The following DISP2 variants were observed in gnomAD, a reference collection of about 807,000 sequenced individuals.
The protein encoded by DISP2 is dispatched RND transporter family member 2.
In DISP2, 59 loss-of-function variants were observed where a neutral mutation model predicts 95.5. The observed-to-expected ratio is 0.62, with a 90% CI of 0.50 to 0.77. The LOEUF is 0.77. Among genes scored for constraint, DISP2 ranks in the 30% least tolerant of loss-of-function variants. The pLI, the probability that DISP2 is intolerant of heterozygous loss-of-function variation, is 0.00. For missense variants in DISP2, 1,752 were observed against 1,854.6 expected (o/e 0.94, Z 1.02); for synonymous variants, 827 against 815.0 (o/e 1.01, Z -0.25).
At chr15:40,361,523 C>T (rs1035396501) in intron 1 of DISP2, among the ~76,000 whole-genome samples, 20 of 152,180 alleles carry the variant, frequency 1.3e-4, no homozygotes, top group Admixed American at 9.2e-4. Flanking sequence ...TGCCAATGCT[C>T]CAAGAATTGT....
At position 40,367,039 on chromosome 15, in the gene DISP2, T is replaced by A. The variant is rs1427849351; in HGVS notation, c.946-19T>A. On this transcript the variant is annotated intron_variant, in intron 7 of 7. Coordinates refer to ENST00000267889, the MANE Select transcript of DISP2 (RefSeq NM_033510.3). ...CTTGGGCTGCCCCTGAACTCTCCCC[T>A]CCTGCGTGTGCCCTACAGATCCGCT... The A allele has an allele frequency of 6.2e-7, 1 of 1,603,820 alleles. No homozygotes were observed. Among genetic ancestry groups the A allele is most frequent in the East Asian group, 2.2e-5 (1 of 44,860 alleles).
Position 40,368,311 on chromosome 15 carries a change from G to C in DISP2, c.2199G>C (p.Pro733=). ...VSPRLRLPTL[P]PPGGQVFRPS... Reference sequence around the variant, plus strand: ...CCCGCCTGCGGCTGCCCACGCTGCCGCCGCCCGGCGGCCAGGTCTTCCGGC... The same window carrying C: ...CCCGCCTGCGGCTGCCCACGCTGCCCCCGCCCGGCGGCCAGGTCTTCCGGC... The change falls in exon 8 of 8, where the codon CCG becomes CCC. Residue 733 remains proline (P), a synonymous_variant. Coordinates refer to ENST00000267889, the MANE Select transcript of DISP2 (RefSeq NM_033510.3). 2 of 1,603,842 alleles carry C rather than the reference G, an allele frequency of 1.2e-6. No homozygotes were observed. Among genetic ancestry groups the C allele is most frequent in the Non-Finnish European group, 1.7e-6 (2 of 1,176,678 alleles).
In DISP2 at chr15:40,370,261, C is replaced by T. The variant is rs760228008; in HGVS notation, c.4149C>T (p.Asp1383=). The T allele has an allele frequency of 1.3e-5, 20 of 1,569,422 alleles. No homozygotes were observed. The East Asian group carries it at 4.3e-4, about 34-fold the overall frequency. The change falls in exon 8 of 8, where the codon GAC becomes GAT. Residue 1383 remains aspartate (D), a synonymous_variant. Transcript: ENST00000267889. ...SPVVLPNSQP[D]LPDVWLRRPS... is the part of the protein sequence containing the mutation. ...TGGTGCTGCCCAATAGCCAGCCAGA[C>T]CTGCCAGATGTTTGGCTGCGCAGGC...
At position 40,369,718 on chromosome 15, in the gene DISP2, G is replaced by T. The variant is rs142598891; in HGVS notation, c.3606G>T (p.Pro1202=). 4.3e-5 allele frequency: 69 copies of T among 1,610,964 alleles called. No individual in the cohort carries two copies. Among genetic ancestry groups the T allele is most frequent in the Middle Eastern group, 1.6e-4 (1 of 6,082 alleles). The change falls in exon 8 of 8, where the codon CCG becomes CCT. Residue 1202 remains proline (P), a synonymous_variant. Coordinates refer to ENST00000267889, the MANE Select transcript of DISP2 (RefSeq NM_033510.3). ...AGGATCTGCAGCTCCATGATGGTCC[G>T]TGCTGTTCCCGGCCCCCACCAGCCC... ...LSEDLQLHDG[P]CCSRPPPAPA...
rs1178899793 is a variant in DISP2 at position 40,364,500 on chromosome 15, G to A, written c.559G>A (p.Gly187Arg). 6.2e-7 allele frequency: 1 copy of A among 1,613,902 alleles called. No homozygotes were observed. Among genetic ancestry groups the A allele is most frequent in the Non-Finnish European group, 8.5e-7 (1 of 1,180,042 alleles). Residue 187 changes from glycine to arginine, a missense_variant, in exon 4 of 8, where the codon GGA (glycine) becomes AGA (arginine). Physicochemically the swap from Gly to Arg is moderately radical, Grantham distance 125. Coordinates refer to ENST00000267889, the MANE Select transcript of DISP2 (RefSeq NM_033510.3). ...TGTCATCTTCCTCTGCACCCTGGCTGGACTGTTGGGGGCCCGGCTGCCCGA... is the reference window on the plus strand; with the variant it reads ...TGTCATCTTCCTCTGCACCCTGGCTAGACTGTTGGGGGCCCGGCTGCCCGA... ...LAVIFLCTLA[G>R]LLGARLPDFS...
intron 1 of DISP2, among the ~76,000 whole-genome samples, chr15:40,358,714 CAGGA>C: frequency 6.6e-6 from 1 of 152,268 alleles, no homozygotes; most frequent in East Asian, 1.9e-4. Context: ...CCTCTCAGGC[CAGGA>C]CTCCCTGGCT....
At position 40,367,891 on chromosome 15, in the gene DISP2, G is replaced by A. The variant is rs776272825; in HGVS notation, c.1779G>A (p.Leu593=). The A allele has an allele frequency of 3.8e-6, 6 of 1,598,646 alleles. No individual in the cohort carries two copies. Among genetic ancestry groups the A allele is most frequent in the South Asian group, 1.1e-5 (1 of 90,858 alleles). ...CCATGCACCACTTCGGCTACCTGCTGCTGGTCTCCGGCCTCACCACGAGCG... is the reference window on the plus strand; with the variant it reads ...CCATGCACCACTTCGGCTACCTGCTACTGGTCTCCGGCCTCACCACGAGCG... ...GRTMHHFGYL[L]LVSGLTTSAA... is the part of the protein sequence containing the mutation. The change falls in exon 8 of 8, where the codon CTG becomes CTA. Residue 593 remains leucine (L), a synonymous_variant. Transcript: ENST00000267889.
Position 40,368,539 on chromosome 15 carries a change from G to A in DISP2, c.2427G>A (p.Gln809=). Reference sequence around the variant, plus strand: ...TCTCGGCCAGCGGCCCTGAGGCCCAGCGCTGGCTGCTGGCACTCTGTCACC... The same window carrying A: ...TCTCGGCCAGCGGCCCTGAGGCCCAACGCTGGCTGCTGGCACTCTGTCACC... The part of the protein sequence containing the change: ...PAFSASGPEA[Q]RWLLALCHRA... The change falls in exon 8 of 8, where the codon CAG becomes CAA. Residue 809 remains glutamine, a synonymous_variant. Coordinates refer to ENST00000267889, the MANE Select transcript of DISP2 (RefSeq NM_033510.3). The A allele has an allele frequency of 6.2e-7, 1 of 1,604,876 alleles. No individual in the cohort carries two copies. The highest frequency in any genetic ancestry group is 8.5e-7 in the Non-Finnish European group (1 of 1,179,896).
chr15:40,369,651 C>G lies in DISP2; in HGVS notation c.3539C>G (p.Thr1180Arg). ...RRRSPSFDTS[T>R]ATSKLSHRPS... The stretch of plus-strand genomic sequence containing the variant: ...CGGAGCCCCAGCTTTGACACCAGCA[C>G]AGCCACCAGCAAGCTGTCCCACCGG... The change falls in exon 8 of 8, where the codon ACA (threonine) becomes AGA (arginine). Residue 1180 changes from threonine to arginine, a missense_variant. Coordinates refer to ENST00000267889, the MANE Select transcript of DISP2 (RefSeq NM_033510.3). 1 of 1,611,976 alleles carries G rather than the reference C, an allele frequency of 6.2e-7. No individual in the cohort carries two copies. The highest frequency in any genetic ancestry group is 8.5e-7 in the Non-Finnish European group (1 of 1,179,984).
In DISP2 at chr15:40,365,579, G is replaced by A. The variant is rs1889484209; in HGVS notation, c.848-49G>A. 1.9e-6 allele frequency: 3 copies of A among 1,604,048 alleles called. No individual in the cohort carries two copies. In the South Asian group the frequency reaches 3.3e-5, roughly 18 times the overall value. ...AAGCATCTTCCCTTTGGAGGACCCAGGACCTGGGGCCAAAGGACTGAGCTC... is the reference window on the plus strand; with the variant it reads ...AAGCATCTTCCCTTTGGAGGACCCAAGACCTGGGGCCAAAGGACTGAGCTC... On this transcript the variant is annotated intron_variant, in intron 6 of 7. Transcript: ENST00000267889.
intron 1 of DISP2, among the ~76,000 whole-genome samples, chr15:40,362,305 C>G (rs1288123885): frequency 2.6e-5 from 4 of 152,240 alleles, no homozygotes; most frequent in Admixed American, 6.5e-5. Flanking sequence ...TGGGCCCTCT[C>G]TGAGCTCCCT....
rs1337280953 is a variant in DISP2 at position 40,371,859 on chromosome 15, T to G, written c.*1541T>G. 6.6e-6 allele frequency: 1 copy of G among 152,180 alleles called. No individual in the cohort carries two copies. Among genetic ancestry groups the G allele is most frequent in the Non-Finnish European group, 1.5e-5 (1 of 68,038 alleles). The allele number at this position is 152,180 out of a possible 1,614,324, so 9.4% of individuals were successfully genotyped here. On this transcript the variant is annotated 3_prime_UTR_variant, in exon 8 of 8. Transcript: ENST00000267889. Reference sequence around the variant, plus strand: ...CTCACCTTCTAGCTGGGGAGACAGCTTATGCACACATGCAGGCATCGGATG... The same window carrying G: ...CTCACCTTCTAGCTGGGGAGACAGCGTATGCACACATGCAGGCATCGGATG...
chr15:40,359,072 T>G (rs11632012), intron 1 of DISP2, among the ~76,000 whole-genome samples: 105,037 of 152,108 alleles, frequency 0.69, 36,537 homozygotes, highest in East Asian at 0.85. Flanking sequence ...AGGAGCCCCA[T>G]ACTGGTGGGA....
At position 40,374,014 on chromosome 15, in the gene DISP2, A is replaced by AAAAAAAAAAAAAAAAAAAAATATATATAT; in HGVS notation, c.*3697_*3698insAAAAAAAAAAAAAAAAAAATATATATATA. The AAAAAAAAAAAAAAAAAAAAATATATATAT allele has an allele frequency of 3.8e-5, 4 of 104,192 alleles. No homozygotes were observed. The highest frequency in any genetic ancestry group is 1.3e-4 in the African/African-American group (3 of 23,938). The allele number at this position is 104,192 out of a possible 1,614,324, so 6.5% of individuals were successfully genotyped here. A position where few individuals can be genotyped will look rare whatever the true frequency, so the allele number is the denominator to read the frequency against. On this transcript the variant is annotated 3_prime_UTR_variant, in exon 8 of 8. Transcript: ENST00000267889. ...GCGAGACTCCATCTTAAAAAAAAAA[A>AAAAAAAAAAAAAAAAAAAAATATATATAT]ATATATATATATATATATGTAAACT...
chr15:40,367,999 C>G lies in DISP2; in HGVS notation c.1887C>G (p.His629Gln). The G allele has an allele frequency of 6.5e-7, 1 of 1,541,440 alleles. No individual in the cohort carries two copies. Among genetic ancestry groups the G allele is most frequent in the Non-Finnish European group, 8.7e-7 (1 of 1,150,026 alleles). Residue 629 changes from histidine (H) to glutamine (Q), a missense_variant, in exon 8 of 8, where the codon CAC becomes CAG. Around this residue, in one of 5 missense-constraint regions of DISP2, gnomAD observed 732 missense variants for 714.6 expected, o/e 1.02. Transcript: ENST00000267889. ...ALFMGTAVLV[H>Q]LALTLVWLPA... ...TCATGGGCACGGCTGTGCTGGTGCA[C>G]CTGGCGCTCACGCTGGTCTGGCTGC...
At chr15:40,364,789 G>T in intron 4 of DISP2, 49 bp from the exon 5 acceptor site, 1 of 1,572,410 alleles carries the variant, frequency 6.4e-7, no homozygotes, top group South Asian at 1.1e-5. Flanking sequence ...CACCCAAATG[G>T]AGAACTCCTA....
chr15:40,369,152 C>T lies in DISP2; in HGVS notation c.3040C>T (p.Leu1014Phe). The T allele has an allele frequency of 6.2e-7, 1 of 1,613,614 alleles. No individual in the cohort carries two copies. Among genetic ancestry groups the T allele is most frequent in the East Asian group, 2.2e-5 (1 of 44,880 alleles). Residue 1014 changes from leucine to phenylalanine, a missense_variant, in exon 8 of 8, where the codon CTC becomes TTC. By Grantham distance (22) the Leu-to-Phe change is conservative (BLOSUM62 0). Around this residue, in one of 5 missense-constraint regions of DISP2, gnomAD observed 317 missense variants for 394.9 expected, o/e 0.80. Transcript: ENST00000267889. ...VGLLVLLEWQ[L>F]NTAEALFLSA... is the part of the protein sequence containing the mutation. ...ACTCCTGGTTCTCCTCGAGTGGCAG[C>T]TCAACACTGCCGAGGCCCTGTTTCT...
intron 1 of DISP2, among the ~76,000 whole-genome samples, chr15:40,361,516 C>T (rs967358734): frequency 6.6e-6 from 1 of 152,166 alleles, no homozygotes; most frequent in African/African-American, 2.4e-5. Flanking sequence ...ACAAGGATGC[C>T]AATGCTCCAA....
rs1360917148 is a variant in DISP2 at position 40,378,536 on chromosome 15, A to C, written c.*8218A>C. On this transcript the variant is annotated 3_prime_UTR_variant, in exon 8 of 8. Coordinates refer to ENST00000267889, the MANE Select transcript of DISP2 (RefSeq NM_033510.3). ...AGCTGTTAAAATTGTACTGAAACAAAACCATTGGGGGAAACTGGGTAAAGA... is the reference window on the plus strand; with the variant it reads ...AGCTGTTAAAATTGTACTGAAACAACACCATTGGGGGAAACTGGGTAAAGA... 6.6e-6 allele frequency: 1 copy of C among 152,236 alleles called. No individual in the cohort carries two copies. The highest frequency in any genetic ancestry group is 6.5e-5 in the Admixed American group (1 of 15,280). The allele number at this position is 152,236 out of a possible 1,614,324, so 9.4% of individuals were successfully genotyped here.
Sources: gnomAD v4.1 joint callset for allele counts (sites outside exome capture counted in the v4.1 genomes callset) on GRCh38, gnomAD v4.1.1 for gene constraint, gnomAD v4.1.1 regional missense constraint, MANE v1.5 for transcripts, NCBI Gene and HGNC (gene_info 2026-07-23, HGNC 2026-07-21) for gene names.